The following ARHGAP42 variants were observed in gnomAD, a reference collection of about 807,000 sequenced individuals.
ARHGAP42 encodes Rho GTPase activating protein 42, also known as rho GTPase-activating protein 42.
ARHGAP42 carries 63 observed loss-of-function variants against 125.0 expected under a neutral mutation model. That is an observed-to-expected ratio of 0.50 (90% CI 0.41 to 0.62). The LOEUF (loss-of-function observed/expected upper bound fraction) is 0.62. Among genes scored for constraint, ARHGAP42 ranks in the 20% least tolerant of loss-of-function variants. The probability of loss-of-function intolerance (pLI) is 0.00; values close to 1 mark genes in which losing one functional copy is unlikely to be tolerated. For synonymous variants in ARHGAP42, 339 were observed against 351.0 expected, an observed-to-expected ratio of 0.97 and a Z score of 0.38; for missense variants, 766 against 1,024.2, an observed-to-expected ratio of 0.75 and a Z score of 3.44.
intron 1 of ARHGAP42, among the ~76,000 whole-genome samples, chr11:100,747,410 C>T (rs542949284): frequency 1.1e-4 from 16 of 152,116 alleles, no homozygotes; most frequent in Non-Finnish European, 2.1e-4. Flanking sequence ...CATATTTATC[C>T]AATTTTTAAT....
chr11:100,854,016 A>G (rs142280318), intron 3 of ARHGAP42, among the ~76,000 whole-genome samples: 68 of 152,274 alleles, frequency 4.5e-4, no homozygotes, highest in African/African-American at 1.6e-3. Flanking sequence ...TTAGACATAA[A>G]GTAAAAAATT....
At chr11:100,794,800 C>T (rs780651911) in intron 2 of ARHGAP42, among the ~76,000 whole-genome samples, 18 of 152,052 alleles carry the variant, frequency 1.2e-4, no homozygotes, top group Non-Finnish European at 2.4e-4. Context: ...GTACATTTTA[C>T]ATATTAAATA....
In ARHGAP42 at chr11:100,916,187, G is replaced by A. The variant is rs140351435; in HGVS notation, c.486+2634G>A. Among the ~76,000 whole-genome samples, 494 of 152,256 alleles carry A rather than the reference G, an allele frequency of 3.2e-3. 3 individuals are homozygous for A. Among genetic ancestry groups the A allele is most frequent in the African/African-American group, 0.011 (460 of 41,560 alleles). On this transcript the variant is annotated intron_variant, in intron 5 of 23. Transcript: ENST00000298815. ...CAGTTGGAGAATCAGAAGCAAACTT[G>A]TCAAGATTATAGGCTTTATAGTGGA...
chr11:100,850,316 A>G (rs1249715151), intron 3 of ARHGAP42, among the ~76,000 whole-genome samples: 1 of 152,248 alleles, frequency 6.6e-6, no homozygotes. Context: ...ACAGATCTAT[A>G]CAGGATATCA....
intron 6 of ARHGAP42, among the ~76,000 whole-genome samples, chr11:100,929,206 G>A (rs1051038803): frequency 2.6e-5 from 4 of 151,996 alleles, no homozygotes; most frequent in African/African-American, 4.8e-5. Context: ...TAAGGAGCAG[G>A]CAACCTAGAT....
intron 4 of ARHGAP42, among the ~76,000 whole-genome samples, chr11:100,871,410 G>A (rs985105532): frequency 1.3e-4 from 20 of 151,778 alleles, no homozygotes; most frequent in African/African-American, 4.6e-4. Context: ...GCCAGGCATC[G>A]TGGGGCATGC....
intron 4 of ARHGAP42, among the ~76,000 whole-genome samples, chr11:100,872,733 T>C (rs1865726156): frequency 6.6e-6 from 1 of 152,150 alleles, no homozygotes; most frequent in Non-Finnish European, 1.5e-5. Flanking sequence ...CCCTTCTACC[T>C]CATTCTCCTT....
intron 16 of ARHGAP42, among the ~76,000 whole-genome samples, chr11:100,964,754 G>A (rs938492552): frequency 1.3e-4 from 20 of 152,096 alleles, no homozygotes; most frequent in African/African-American, 3.6e-4. Flanking sequence ...TACATTTACC[G>A]TTGTCATTAT....
Position 100,980,559 on chromosome 11 carries a change from C to CTTCTTTTTTTTTTTTTTTTTTTTT in ARHGAP42, c.2456+1512_2456+1513insCTTTTTTTTTTTTTTTTTTTTTTT. The stretch of plus-strand genomic sequence containing the variant: ...TCAAATCATACTTCTTTTTCTTCTT[C>CTTCTTTTTTTTTTTTTTTTTTTTT]TTTTTTTTTTTTTTTTTTTTTTTTT... On this transcript the variant is annotated intron_variant, in intron 22 of 23. Coordinates refer to ENST00000298815, the MANE Select transcript of ARHGAP42 (RefSeq NM_152432.4). 2.1e-3 allele frequency among the ~76,000 whole-genome samples: 107 copies of CTTCTTTTTTTTTTTTTTTTTTTTT among 51,952 alleles called. 21 individuals are homozygous for CTTCTTTTTTTTTTTTTTTTTTTTT. The highest frequency in any genetic ancestry group is 3.2e-3 in the Non-Finnish European group (82 of 26,028). The allele number at this position is 51,952 out of a possible 152,430, so 34.1% of individuals were successfully genotyped here.
In ARHGAP42 at chr11:100,992,258, C is replaced by G; in HGVS notation, c.*3457C>G. Reference sequence around the variant, plus strand: ...GTCAGAGGCAGACCAATTTAGGGAACAGATTTTGTTCTTTGCTTTTATGAT... The same window carrying G: ...GTCAGAGGCAGACCAATTTAGGGAAGAGATTTTGTTCTTTGCTTTTATGAT... On this transcript the variant is annotated 3_prime_UTR_variant, in exon 24 of 24. Transcript: ENST00000298815. 2 of 1,530,238 alleles carry G rather than the reference C, an allele frequency of 1.3e-6. No homozygotes were observed. The highest frequency in any genetic ancestry group is 1.7e-6 in the Non-Finnish European group (2 of 1,142,858). The allele number at this position is 1,530,238 out of a possible 1,614,324, so 94.8% of individuals were successfully genotyped here. A position where few individuals can be genotyped will look rare whatever the true frequency, so the allele number is the denominator to read the frequency against.
chr11:100,831,556 C>T (rs1722083639), intron 3 of ARHGAP42, among the ~76,000 whole-genome samples: 1 of 152,056 alleles, frequency 6.6e-6, no homozygotes, highest in Non-Finnish European at 1.5e-5. Context: ...GCACAGATGG[C>T]CTTTGTATAG....
intron 10 of ARHGAP42, among the ~76,000 whole-genome samples, chr11:100,946,982 G>A (rs575405662): frequency 1.3e-5 from 2 of 151,668 alleles, no homozygotes; most frequent in South Asian, 2.1e-4. Context: ...GGCAATGACT[G>A]TATTCCTAGG....
intron 3 of ARHGAP42, among the ~76,000 whole-genome samples, chr11:100,837,084 A>C (rs1389894045): frequency 6.6e-6 from 1 of 152,176 alleles, no homozygotes; most frequent in Non-Finnish European, 1.5e-5. Context: ...CATTTATAGA[A>C]AAATTTCAAG....
rs147002564 is a variant in ARHGAP42, at chr11:100,691,170, G to T, written c.154+3338G>T. On this transcript the variant is annotated intron_variant, in intron 1 of 23. Transcript: ENST00000298815. The stretch of plus-strand genomic sequence containing the variant: ...TTGAAAATATTCTTACTGGTGAATA[G>T]TTTTAGTTAATGGTGTATGACTGAA... Among the ~76,000 whole-genome samples, 1,469 of 152,244 alleles carry T rather than the reference G, an allele frequency of 9.6e-3. 27 individuals are homozygous for T. The highest frequency in any genetic ancestry group is 0.033 in the African/African-American group (1,383 of 41,536).
chr11:100,974,903 AAAG>A (rs1858349025), intron 19 of ARHGAP42, among the ~76,000 whole-genome samples: 1 of 152,174 alleles, frequency 6.6e-6, no homozygotes, highest in African/African-American at 2.4e-5. Flanking sequence ...TCAAAGTGGT[AAAG>A]AAGAAAGCAA....
At chr11:100,805,807 G>A (rs1447448074) in intron 3 of ARHGAP42, among the ~76,000 whole-genome samples, 2 of 152,162 alleles carry the variant, frequency 1.3e-5, no homozygotes, top group Non-Finnish European at 2.9e-5. Flanking sequence ...GTGCCTTTTA[G>A]CATGCTAATG....
At chr11:100,847,807 T>A (rs1865105492) in intron 3 of ARHGAP42, among the ~76,000 whole-genome samples, 1 of 151,878 alleles carries the variant, frequency 6.6e-6, no homozygotes, top group Non-Finnish European at 1.5e-5. Flanking sequence ...GCATTGAGGG[T>A]GTGTTTTTGA....
At chr11:100,903,709 A>AAAAAATATATATATATAT (rs1332890022) in intron 4 of ARHGAP42, among the ~76,000 whole-genome samples, 4 of 63,502 alleles carry the variant, frequency 6.3e-5, no homozygotes, top group African/African-American at 2.7e-4. Context: ...TGTCCCTCAA[A>AAAAAATATATATATATAT]ATATATATAT....
chr11:100,718,933 C>A (rs1861710844), intron 1 of ARHGAP42, among the ~76,000 whole-genome samples: 1 of 152,108 alleles, frequency 6.6e-6, no homozygotes, highest in Non-Finnish European at 1.5e-5. Context: ...TTAAAGTATT[C>A]TCTAATGAAT....
Sources: gnomAD v4.1 joint callset for allele counts (sites outside exome capture counted in the v4.1 genomes callset) on GRCh38, gnomAD v4.1.1 for gene constraint, MANE v1.5 for transcripts, NCBI Gene and HGNC (gene_info 2026-07-23, HGNC 2026-07-21) for gene names.